Variants in MSH3 observed in about 807,000 individuals in gnomAD.
The protein encoded by MSH3 is DNA mismatch repair protein Msh3.
In MSH3, 106 loss-of-function variants were observed where a neutral mutation model predicts 123.3. The observed-to-expected ratio is 0.86, with a 90% CI of 0.73 to 1.01. The LOEUF (loss-of-function observed/expected upper bound fraction) is 1.01. MSH3 is among the 50% of genes least tolerant of loss of function. MSH3 has a pLI of 0.00. For synonymous variants in MSH3, 515 were observed against 481.4 expected, an observed-to-expected ratio of 1.07 and a Z score of -0.91; for missense variants, 1,459 against 1,347.6, an observed-to-expected ratio of 1.08 and a Z score of -1.29.
intron 19 of MSH3, among the ~76,000 whole-genome samples, 190 bp from the exon 20 acceptor site, chr5:80,813,394 T>C (rs906908308): frequency 6.6e-5 from 10 of 152,252 alleles, no homozygotes; most frequent in African/African-American, 2.4e-4. Context: ...AATAGCTGTG[T>C]GTACTGCTAA....
In MSH3 at chr5:80,796,696, CTT is replaced by C. The variant is rs1351848912; in HGVS notation, c.2655+3853_2655+3854del. Among the ~76,000 whole-genome samples, 453 of 152,220 alleles carry C rather than the reference CTT, an allele frequency of 3.0e-3. 5 individuals carry two copies. Among genetic ancestry groups the C allele is most frequent in the African/African-American group, 0.01 (431 of 41,536 alleles). On this transcript the variant is annotated intron_variant, in intron 19 of 23. Coordinates refer to ENST00000265081, the MANE Select transcript of MSH3 (RefSeq NM_002439.5). ...TTTTCTGTATTCTGTATTACATGAA[CTT>C]ATTATAGTGCTTCTGAATAAGCCAA...
intron 8 of MSH3, among the ~76,000 whole-genome samples, chr5:80,715,746 GA>G (rs1293345530): frequency 6.6e-6 from 1 of 152,128 alleles, no homozygotes; most frequent in African/African-American, 2.4e-5. Context: ...GAGGAAGAGA[GA>G]GGGGGAGGTG....
Position 80,875,739 on chromosome 5 carries a change from A to C in MSH3, c.3303-12A>C, listed in dbSNP as rs2112131674. 6.6e-7 allele frequency: 1 copy of C among 1,525,838 alleles called. No homozygotes were observed. The highest frequency in any genetic ancestry group is 2.3e-5 in the East Asian group (1 of 44,338). 94.5% of individuals were successfully genotyped at this position (1,525,838 alleles called of 1,614,324 possible). The stretch of plus-strand genomic sequence containing the variant: ...TCATTTATTAAATAAGTAGTATTTG[A>C]TTTTTCCCCAGAAAGAGACTCAAGT... On this transcript the variant is annotated splice_polypyrimidine_tract_variant and intron_variant, in intron 23 of 23. Transcript: ENST00000265081.
chr5:80,734,325 A>G (rs1264327421), intron 10 of MSH3, among the ~76,000 whole-genome samples: 1 of 152,176 alleles, frequency 6.6e-6, no homozygotes, highest in Non-Finnish European at 1.5e-5. Flanking sequence ...AGTGATTGCT[A>G]ATGAGTATAG....
At chr5:80,693,656 T>C (rs1057278075) in intron 8 of MSH3, among the ~76,000 whole-genome samples, 5 of 149,830 alleles carry the variant, frequency 3.3e-5, no homozygotes, top group East Asian at 3.9e-4. Flanking sequence ...CACAAACACA[T>C]ATATATATAT....
rs1314136387 is a variant in MSH3 at position 80,864,724 on chromosome 5, T to C, written c.3001-89T>C. ...TTTTCTTGTGACTTTTAGGAAGATT[T>C]AAAATTTTTCAAAAGAAAGTGGAAG... is the stretch of plus-strand genomic sequence containing the variant. On this transcript the variant is annotated intron_variant, in intron 21 of 23. Transcript: ENST00000265081. 3 of 1,219,272 alleles carry C rather than the reference T, an allele frequency of 2.5e-6. No homozygotes were observed. In the African/African-American group the frequency reaches 4.6e-5, roughly 19 times the overall value. The allele number at this position is 1,219,272 out of a possible 1,614,324, so 75.5% of individuals were successfully genotyped here.
At chr5:80,670,717 CA>C (rs1175335310) in intron 4 of MSH3, among the ~76,000 whole-genome samples, 2 of 152,140 alleles carry the variant, frequency 1.3e-5, no homozygotes, top group Non-Finnish European at 2.9e-5. Context: ...TAGCCAGGAA[CA>C]AAGTTAAGTC....
At chr5:80,778,256 T>C (rs1215846723) in intron 16 of MSH3, among the ~76,000 whole-genome samples, 1 of 152,218 alleles carries the variant, frequency 6.6e-6, no homozygotes, top group Non-Finnish European at 1.5e-5. Context: ...ACTTAATGCA[T>C]TGCTTTCTTT....
intron 20 of MSH3, among the ~76,000 whole-genome samples, chr5:80,846,613 C>T (rs1745726168): frequency 6.6e-6 from 1 of 152,146 alleles, no homozygotes; most frequent in Admixed American, 6.5e-5. Flanking sequence ...ACTCAAGCCT[C>T]AGCAATGGCA....
chr5:80,709,699 T>G (rs1262370134), intron 8 of MSH3, among the ~76,000 whole-genome samples: 5 of 152,244 alleles, frequency 3.3e-5, no homozygotes, highest in African/African-American at 1.2e-4. Context: ...TAATTATAGA[T>G]AAGCTTTTCT....
At chr5:80,711,117 A>T (rs1750849926) in intron 8 of MSH3, among the ~76,000 whole-genome samples, 1 of 152,258 alleles carries the variant, frequency 6.6e-6, no homozygotes, top group African/African-American at 2.4e-5. Flanking sequence ...TTAGAACAAC[A>T]CGAGTTTACC....
intron 7 of MSH3, among the ~76,000 whole-genome samples, chr5:80,678,198 G>A (rs1580555950): frequency 6.6e-6 from 1 of 152,190 alleles, no homozygotes; most frequent in Non-Finnish European, 1.5e-5. Context: ...GTGGATTGGG[G>A]AGTAGTCAGA....
At chr5:80,658,425 A>T (rs570233876) in intron 2 of MSH3, among the ~76,000 whole-genome samples, 49 of 152,304 alleles carry the variant, frequency 3.2e-4, no homozygotes, top group Non-Finnish European at 5.3e-4. Context: ...TATCACAGTT[A>T]AGTAACTTAA....
At chr5:80,746,252 G>T in intron 12 of MSH3, 1 of 241,692 alleles carries the variant, frequency 4.1e-6, no homozygotes, top group South Asian at 4.8e-5. Flanking sequence ...TTTCACTGCT[G>T]TTTGTCTGAT....
chr5:80,846,609 G>A (rs527443898), intron 20 of MSH3, among the ~76,000 whole-genome samples: 2 of 152,304 alleles, frequency 1.3e-5, no homozygotes, highest in African/African-American at 4.8e-5. Context: ...AGCTACTCAA[G>A]CCTCAGCAAT....
rs746348952 is a variant in MSH3 at position 80,799,500 on chromosome 5, C to CTTTTTTTTT, written c.2655+6680_2655+6688dup. Reference sequence around the variant, plus strand: ...TTTATACCTGTCAAGGAAGATAGCACTTTTTTTTTTTTTTTTTTTTTTTTT... The same window carrying CTTTTTTTTT: ...TTTATACCTGTCAAGGAAGATAGCACTTTTTTTTTTTTTTTTTTTTTTTTTTTTTTTTTT... On this transcript the variant is annotated intron_variant, in intron 19 of 23. Coordinates refer to ENST00000265081, the MANE Select transcript of MSH3 (RefSeq NM_002439.5). Among the ~76,000 whole-genome samples, 7 of 32,318 alleles carry CTTTTTTTTT rather than the reference C, an allele frequency of 2.2e-4. 1 individual carries two copies. Among genetic ancestry groups the CTTTTTTTTT allele is most frequent in the Non-Finnish European group, 2.6e-4 (5 of 19,150 alleles). The allele number at this position is 32,318 out of a possible 152,430, so 21.2% of individuals were successfully genotyped here. A position where few individuals can be genotyped will look rare whatever the true frequency, so the allele number is the denominator to read the frequency against.
intron 14 of MSH3, 100 bp downstream of exon 14, chr5:80,768,220 A>T: frequency 9.0e-7 from 1 of 1,107,422 alleles, no homozygotes; most frequent in Non-Finnish European, 1.4e-6. Context: ...GAATAATAAT[A>T]GAAGTTGCAT....
At chr5:80,815,452 C>T (rs1044882460) in intron 20 of MSH3, among the ~76,000 whole-genome samples, 1 of 151,748 alleles carries the variant, frequency 6.6e-6, no homozygotes, top group Non-Finnish European at 1.5e-5. Flanking sequence ...GTTACTGAGC[C>T]GAATAGCAAG....
In MSH3 at chr5:80,675,041, T is replaced by TA. The variant is rs1234762807; in HGVS notation, c.1087dup (p.Thr363AsnfsTer11). On this transcript the variant is annotated frameshift_variant, in exon 7 of 24. Transcript: ENST00000265081. LOFTEE classifies it high-confidence loss of function. ...TAAATGTTGATGAGATAATGACTGA[T>TA]ACTTCTACCAGCTATCTTCTGTGCA... is the stretch of plus-strand genomic sequence containing the variant. The TA allele has an allele frequency of 1.9e-5, 31 of 1,613,200 alleles. No homozygotes were observed. Among genetic ancestry groups the TA allele is most frequent in the Non-Finnish European group, 2.6e-5 (31 of 1,179,288 alleles).
Sources: gnomAD v4.1 joint callset for allele counts (sites outside exome capture counted in the v4.1 genomes callset) on GRCh38, gnomAD v4.1.1 for gene constraint, MANE v1.5 for transcripts, NCBI Gene and HGNC (gene_info 2026-07-23, HGNC 2026-07-21) for gene names.